DOK7: variants seen among roughly 807,000 people sequenced by gnomAD.
DOK7 encodes protein Dok-7.
DOK7 carries 32 observed loss-of-function variants against 30.7 expected under a neutral mutation model. The observed-to-expected ratio is 1.04, with a 90% CI of 0.79 to 1.40. DOK7 has a LOEUF of 1.40. Ranked by LOEUF, DOK7 falls within the 40% of genes most tolerant of loss-of-function variation. The probability of loss-of-function intolerance (pLI) is 0.00; values close to 1 mark genes in which losing one functional copy is unlikely to be tolerated. For synonymous variants in DOK7, 447 were observed against 324.1 expected (o/e 1.38, Z -4.07); for missense variants, 1,007 against 699.2 (o/e 1.44, Z -4.97).
intron 4 of DOK7, among the ~76,000 whole-genome samples, chr4:3,477,733 G>C (rs544947440): frequency 6.6e-6 from 1 of 151,992 alleles, no homozygotes; most frequent in African/African-American, 2.4e-5. Flanking sequence ...GCTGGCAGGG[G>C]CCATAGCCAG....
Position 3,476,152 on chromosome 4 carries a change from G to A in DOK7, c.332-190G>A, listed in dbSNP as rs576150526. ...CTCATGATGCCCTCTCGCCCCGCCT[G>A]ACCGTGATGCCCTCTCGCCCCGCCC... On this transcript the variant is annotated intron_variant, in intron 3 of 6. Transcript: ENST00000340083. Among the ~76,000 whole-genome samples the A allele has an allele frequency of 0.12, 14,395 of 120,652 alleles. 1,323 individuals carry two copies. The highest frequency in any genetic ancestry group is 0.2 in the East Asian group (871 of 4,264). 79.2% of individuals were successfully genotyped at this position (120,652 alleles called of 152,430 possible).
At chr4:3,465,096 C>G (rs896186555) in intron 2 of DOK7, among the ~76,000 whole-genome samples, 2 of 152,200 alleles carry the variant, frequency 1.3e-5, no homozygotes. Flanking sequence ...CACTGACTCA[C>G]TGGCCTGGGA....
Position 3,485,647 on chromosome 4 carries a change from C to G in DOK7, c.641C>G (p.Pro214Arg), listed in dbSNP as rs147760280. 30 of 1,598,794 alleles carry G rather than the reference C, an allele frequency of 1.9e-5. 1 individual carries two copies. The South Asian group carries it at 3.0e-4, about 16-fold the overall frequency. The change falls in exon 5 of 7, where the codon CCG (proline) becomes CGG (arginine). Residue 214 changes from proline to arginine, a missense_variant. Pro to Arg is a moderately radical substitution (Grantham distance 103, BLOSUM62 -2). Coordinates refer to ENST00000340083, the MANE Select transcript of DOK7 (RefSeq NM_173660.5). ...SPTKGPFGLR[P>R]VLPDPSPPGP... Reference sequence around the variant, plus strand: ...ACCAAGGGCCCCTTTGGGCTGCGGCCGGTTCTACCAGGTGCGTGTGGGAGC... The same window carrying G: ...ACCAAGGGCCCCTTTGGGCTGCGGCGGGTTCTACCAGGTGCGTGTGGGAGC...
chr4:3,478,141 C>T (rs1727215075), intron 4 of DOK7, among the ~76,000 whole-genome samples: 1 of 152,190 alleles, frequency 6.6e-6, no homozygotes, highest in African/African-American at 2.4e-5. Flanking sequence ...TTCCTTGGCA[C>T]GGGCAGGCAG....
At chr4:3,487,501 C>A (rs563773814) in intron 5 of DOK7, among the ~76,000 whole-genome samples, 2 of 152,216 alleles carry the variant, frequency 1.3e-5, no homozygotes, top group South Asian at 4.1e-4. Context: ...CTTGGTCTTC[C>A]GCATGTGGAC....
chr4:3,479,265 G>A (rs1035698044), intron 4 of DOK7, among the ~76,000 whole-genome samples: 2 of 152,240 alleles, frequency 1.3e-5, no homozygotes, highest in African/African-American at 4.8e-5. Context: ...GTCTCTTGCA[G>A]TCTGTGGACT....
intron 2 of DOK7, among the ~76,000 whole-genome samples, chr4:3,468,225 CCT>C (rs1726436209): frequency 6.8e-6 from 1 of 146,104 alleles, no homozygotes. Flanking sequence ...CATGTGAATA[CCT>C]GTGTGGGGGT....
At chr4:3,485,772 C>A (rs921135057) in intron 5 of DOK7, 114 bp downstream of exon 5, 5 of 1,327,600 alleles carry the variant, frequency 3.8e-6, no homozygotes, top group Non-Finnish European at 4.8e-6. Context: ...AGCCTCCCCA[C>A]CCCCAGCTAA....
downstream of DOK7, chr4:3,496,946 C>G: frequency 9.3e-6 from 3 of 323,358 alleles, no homozygotes; most frequent in South Asian, 8.2e-5. Context: ...CAGAGTTTGA[C>G]TAGATGGGGA....
chr4:3,476,250 CCACCCGCCCGTGATGCCCTCTCA>C, intron 3 of DOK7, 69 bp from the exon 4 acceptor site: 11 of 623,012 alleles, frequency 1.8e-5, no homozygotes, highest in Admixed American at 1.3e-4. Context: ...CCCTCTCACC[CCACCCGCCCGTGATGCCCTCTCA>C]CCCCACCCGC....
rs773612095 is a variant in DOK7, at chr4:3,493,009, C to A, written c.1023C>A (p.Ala341=). The change falls in exon 7 of 7, where the codon GCC becomes GCA. Residue 341 remains alanine, a synonymous_variant. Transcript: ENST00000340083. ...AGAGCTCCTCGGACAGCGGCATCGC[C>A]ACTGGCAGCCACTCCTCTTACTCCA... The part of the protein sequence containing the change: ...GRQSSSDSGI[A]TGSHSSYSSS... 5.8e-6 allele frequency: 9 copies of A among 1,564,248 alleles called. No individual in the cohort carries two copies. Among genetic ancestry groups the A allele is most frequent in the Non-Finnish European group, 7.8e-6 (9 of 1,159,688 alleles).
At chr4:3,489,301 C>G (rs1728015561) in intron 5 of DOK7, among the ~76,000 whole-genome samples, 1 of 152,080 alleles carries the variant, frequency 6.6e-6, no homozygotes, top group Non-Finnish European at 1.5e-5. Context: ...CAGGCAGCCC[C>G]TCTTGCAGCG....
chr4:3,495,703 G>C (rs193073556), downstream of DOK7, among the ~76,000 whole-genome samples: 1 of 152,154 alleles, frequency 6.6e-6, no homozygotes, highest in Non-Finnish European at 1.5e-5. Flanking sequence ...TTTTCTTGAC[G>C]GCCCTGGAGC....
chr4:3,467,604 C>A lies in DOK7; in HGVS notation c.100+4053C>A, dbSNP rs144846675. ...GGATGTACATGTGCACCTGTACACA[C>A]CGTGGGAGCGTGTGCACGTGTGAGC... On this transcript the variant is annotated intron_variant, in intron 2 of 6. Transcript: ENST00000340083. Among the ~76,000 whole-genome samples the A allele has an allele frequency of 1.9e-4, 29 of 152,044 alleles. No homozygotes were observed. The East Asian group carries it at 5.4e-3, about 29-fold the overall frequency.
At chr4:3,489,576 C>T (rs1728037529) in intron 5 of DOK7, 101 bp from the exon 6 acceptor site, 6 of 1,540,072 alleles carry the variant, frequency 3.9e-6, no homozygotes, top group Non-Finnish European at 8.8e-7. Flanking sequence ...ACTGCCACTC[C>T]ACAGAGGGGG....
downstream of DOK7, chr4:3,496,731 G>T (rs1038064572): frequency 2.1e-6 from 3 of 1,438,530 alleles, no homozygotes; most frequent in South Asian, 1.3e-5. Flanking sequence ...TCACTCTTGG[G>T]GGGTAGTGTC....
At chr4:3,472,043 C>T (rs554663981) in intron 2 of DOK7, among the ~76,000 whole-genome samples, 88 of 152,366 alleles carry the variant, frequency 5.8e-4, no homozygotes, top group Admixed American at 1.2e-3. Flanking sequence ...GTAGTGGCCG[C>T]AGAGCCTGTG....
chr4:3,493,966 C>T lies in DOK7; in HGVS notation c.*465C>T. On this transcript the variant is annotated 3_prime_UTR_variant, in exon 7 of 7. Coordinates refer to ENST00000340083, the MANE Select transcript of DOK7 (RefSeq NM_173660.5). ...TAAGCATCAAGCTACCACAGAGGCT[C>T]CGGCCACCTGGGCTCCACCAGCCCA... 1.0e-6 allele frequency: 1 copy of T among 995,700 alleles called. No individual in the cohort carries two copies. Among genetic ancestry groups the T allele is most frequent in the Non-Finnish European group, 1.2e-6 (1 of 838,304 alleles). The allele number at this position is 995,700 out of a possible 1,614,324, so 61.7% of individuals were successfully genotyped here.
At chr4:3,492,611 T>G in intron 6 of DOK7, 148 bp from the exon 7 acceptor site, 1 of 1,055,414 alleles carries the variant, frequency 9.5e-7, no homozygotes, top group Non-Finnish European at 1.4e-6. Flanking sequence ...TGAAGCCAGG[T>G]TTCTGCTGTA....
Sources: gnomAD v4.1 joint callset for allele counts (sites outside exome capture counted in the v4.1 genomes callset) on GRCh38, gnomAD v4.1.1 for gene constraint, MANE v1.5 for transcripts, NCBI Gene and HGNC (gene_info 2026-07-23, HGNC 2026-07-21) for gene names.